Variants in JAKMIP1 observed in about 807,000 individuals in gnomAD.
JAKMIP1 encodes the protein janus kinase and microtubule interacting protein 1.
A neutral mutation model predicts 113.0 loss-of-function variants in JAKMIP1; 33 were observed. The observed-to-expected ratio is 0.29, with a 90% CI of 0.22 to 0.39. The LOEUF is 0.39. JAKMIP1 is among the 10% of genes least tolerant of loss of function. JAKMIP1 has a pLI of 1.00. For synonymous variants in JAKMIP1, 480 were observed against 459.9 expected (o/e 1.04, Z -0.56); for missense variants, 813 against 1,080.5 (o/e 0.75, Z 3.47).
intron 1 of JAKMIP1, among the ~76,000 whole-genome samples, chr4:6,125,598 A>AAC (rs111906803): frequency 0.43 from 47,634 of 111,946 alleles, 9,844 homozygotes; most frequent in East Asian, 0.77. Flanking sequence ...ACCATGCAGA[A>AAC]ACACACACAC....
chr4:6,052,380 C>T (rs774290516), intron 13 of JAKMIP1, among the ~76,000 whole-genome samples: 1 of 152,214 alleles, frequency 6.6e-6, no homozygotes, highest in East Asian at 1.9e-4. Flanking sequence ...GGCATGGTAG[C>T]TTATACCTGT....
intron 1 of JAKMIP1, among the ~76,000 whole-genome samples, chr4:6,146,553 C>T (rs1228179160): frequency 6.6e-6 from 1 of 152,152 alleles, no homozygotes; most frequent in Non-Finnish European, 1.5e-5. Context: ...CTCAGCCTCC[C>T]AAAGTGTGGG....
rs1720184187 is a variant in JAKMIP1, at chr4:6,141,745, C to G, written c.-147-28748G>C. Among the ~76,000 whole-genome samples the G allele has an allele frequency of 6.6e-6, 1 of 152,174 alleles. No individual in the cohort carries two copies. Among genetic ancestry groups the G allele is most frequent in the African/African-American group, 2.4e-5 (1 of 41,450 alleles). On this transcript the variant is annotated intron_variant, in intron 1 of 20. Transcript: ENST00000409021. This position sits in a 1 kb window ranked among gnomAD's most constrained non-coding sequence, Gnocchi z 9.4. ...TTCTGCACCAAATGGAAAGTGGCCC[C>G]AGGACACTGATGCCGAGGATGCTGA...
At position 6,140,214 on chromosome 4, in the gene JAKMIP1, G is replaced by A. The variant is rs1041214307; in HGVS notation, c.-147-27217C>T. On this transcript the variant is annotated intron_variant, in intron 1 of 20. Transcript: ENST00000409021. This position sits in a 1 kb window ranked among gnomAD's most constrained non-coding sequence, Gnocchi z 9.4. ...TCAATGTTCACGTGGCTCTCCACCCGGACATTTGGGCTGCTCCCTATTTTT... is the reference window on the plus strand; with the variant it reads ...TCAATGTTCACGTGGCTCTCCACCCAGACATTTGGGCTGCTCCCTATTTTT... Among the ~76,000 whole-genome samples the A allele has an allele frequency of 2.6e-5, 4 of 151,874 alleles. No individual in the cohort carries two copies. Among genetic ancestry groups the A allele is most frequent in the East Asian group, 1.9e-4 (1 of 5,192 alleles).
rs1719735540 is a variant in JAKMIP1 at position 6,076,641 on chromosome 4, G to T, written c.1302+2298C>A. Among the ~76,000 whole-genome samples, 2 of 152,102 alleles carry T rather than the reference G, an allele frequency of 1.3e-5. No individual in the cohort carries two copies. The highest frequency in any genetic ancestry group is 4.8e-5 in the African/African-American group (2 of 41,412). ...ATAGATATATTTTATGTGGCCCACA[G>T]GTATATATTTTACAGGCTGAGTGTC... is the stretch of plus-strand genomic sequence containing the variant. On this transcript the variant is annotated intron_variant, in intron 8 of 20. Transcript: ENST00000409021. This position sits in a 1 kb window ranked among gnomAD's most constrained non-coding sequence, Gnocchi z 4.8.
intron 3 of JAKMIP1, among the ~76,000 whole-genome samples, chr4:6,090,559 C>T (rs555634865): frequency 5.9e-4 from 90 of 152,348 alleles, no homozygotes; most frequent in Non-Finnish European, 9.8e-4. Context: ...CCACAGGCCA[C>T]GCAGTATGGG....
In JAKMIP1 at chr4:6,105,793, T is replaced by C. The variant is rs1158518494; in HGVS notation, c.304A>G (p.Thr102Ala). 38 of 1,607,960 alleles carry C rather than the reference T, an allele frequency of 2.4e-5. No homozygotes were observed. The highest frequency in any genetic ancestry group is 3.1e-5 in the Non-Finnish European group (36 of 1,179,508). Reference protein sequence around the residue: ...IRQHEQEAARTAKIKEGELQR... With the variant: ...IRQHEQEAARAAKIKEGELQR... ...AGCTCGCCCTCCTTGATCTTGGCGG[T>C]GCGCGCCGCCTCCTGCTCGTGCTGC... is the stretch of plus-strand genomic sequence containing the variant. The change falls in exon 3 of 21, where the codon ACC (threonine) becomes GCC (alanine). Residue 102 changes from threonine (T) to alanine (A), a missense_variant. Physicochemically the swap from Thr to Ala is moderately conservative, Grantham distance 58. Transcript: ENST00000409021.
chr4:6,044,974 G>A lies in JAKMIP1; in HGVS notation c.2029-2747C>T, dbSNP rs1486340978. ...GAAGTGAGTCCACTCACAGGGAGGT[G>A]CTGATGAACTGAGCAGCCTCATGGG... On this transcript the variant is annotated intron_variant, in intron 16 of 20. Transcript: ENST00000409021. This position sits in a 1 kb window ranked among gnomAD's most constrained non-coding sequence, Gnocchi z 4.4. Among the ~76,000 whole-genome samples, 1 of 152,234 alleles carries A rather than the reference G, an allele frequency of 6.6e-6. No individual in the cohort carries two copies.
chr4:6,048,496 T>C (rs1259400765), intron 16 of JAKMIP1, among the ~76,000 whole-genome samples: 2 of 152,246 alleles, frequency 1.3e-5, no homozygotes, highest in Non-Finnish European at 2.9e-5. Context: ...AACACGTTTA[T>C]GAACCATGTT....
intron 3 of JAKMIP1, 98 bp downstream of exon 3, chr4:6,105,375 G>A: frequency 7.9e-7 from 1 of 1,267,992 alleles, no homozygotes. Flanking sequence ...TTTGAACAAT[G>A]CCTGGAGCAC....
rs909392705 is a variant in JAKMIP1 at position 6,044,214 on chromosome 4, C to A, written c.2029-1987G>T. On this transcript the variant is annotated intron_variant, in intron 16 of 20. Coordinates refer to ENST00000409021, the MANE Select transcript of JAKMIP1 (RefSeq NM_001099433.2). This position sits in a 1 kb window ranked among gnomAD's most constrained non-coding sequence, Gnocchi z 4.4. The stretch of plus-strand genomic sequence containing the variant: ...GCGCTGTTGTCTGTTTCACCCCTCA[C>A]CCCGCTGCCCCCCTTGAAGGTGGGG... Among the ~76,000 whole-genome samples the A allele has an allele frequency of 7.9e-5, 12 of 152,102 alleles. No individual in the cohort carries two copies. The highest frequency in any genetic ancestry group is 1.6e-4 in the Non-Finnish European group (11 of 68,018).
At chr4:6,114,777 T>C (rs907127177) in intron 1 of JAKMIP1, among the ~76,000 whole-genome samples, 1 of 152,228 alleles carries the variant, frequency 6.6e-6, no homozygotes, top group Non-Finnish European at 1.5e-5. Context: ...AATTCATTCC[T>C]CACCTCGGCT....
intron 1 of JAKMIP1, among the ~76,000 whole-genome samples, chr4:6,114,821 GA>G (rs1027175616): frequency 4.6e-5 from 7 of 152,202 alleles, no homozygotes; most frequent in Non-Finnish European, 7.3e-5. Flanking sequence ...GCAGTTCTCA[GA>G]AATCAGCCTT....
intron 3 of JAKMIP1, among the ~76,000 whole-genome samples, chr4:6,098,061 G>A (rs748054709): frequency 2.0e-5 from 3 of 152,236 alleles, no homozygotes; most frequent in African/African-American, 4.8e-5. Context: ...ATACGCATGA[G>A]TCTGGTTTAA....
Position 6,154,776 on chromosome 4 carries a change from C to T in JAKMIP1, c.-147-41779G>A. Among the ~76,000 whole-genome samples the T allele has an allele frequency of 6.6e-6, 1 of 152,162 alleles. No homozygotes were observed. The highest frequency in any genetic ancestry group is 1.9e-4 in the East Asian group (1 of 5,168). ...GCCATCATGAACTACAGACAGCACC[C>T]TAAACATCCTGTTCTGCCTTTGTAT... On this transcript the variant is annotated intron_variant, in intron 1 of 20. Coordinates refer to ENST00000409021, the MANE Select transcript of JAKMIP1 (RefSeq NM_001099433.2). The surrounding 1 kb of genome is among the most constrained non-coding windows in gnomAD (Gnocchi z 4.2).
intron 3 of JAKMIP1, among the ~76,000 whole-genome samples, chr4:6,087,345 G>C (rs546843422): frequency 3.9e-5 from 6 of 151,994 alleles, no homozygotes; most frequent in Non-Finnish European, 7.3e-5. Flanking sequence ...TGGACAATAG[G>C]AAGACTTTAG....
chr4:6,184,147 T>A lies in JAKMIP1; in HGVS notation c.-148+16106A>T, dbSNP rs1255592401. ...GCAGGGTGGTTTAGCTATGTAAAAATTTTATTTTTGAAAAGACTTCATTTT... is the reference window on the plus strand; with the variant it reads ...GCAGGGTGGTTTAGCTATGTAAAAAATTTATTTTTGAAAAGACTTCATTTT... On this transcript the variant is annotated intron_variant, in intron 1 of 20. Coordinates refer to ENST00000409021, the MANE Select transcript of JAKMIP1 (RefSeq NM_001099433.2). This position sits in a 1 kb window ranked among gnomAD's most constrained non-coding sequence, Gnocchi z 4.5. Among the ~76,000 whole-genome samples, 1 of 152,150 alleles carries A rather than the reference T, an allele frequency of 6.6e-6. No homozygotes were observed. The highest frequency in any genetic ancestry group is 1.9e-4 in the East Asian group (1 of 5,186).
intron 7 of JAKMIP1, 24 bp from the exon 8 acceptor site, chr4:6,079,022 C>T: frequency 1.2e-6 from 2 of 1,613,856 alleles, no homozygotes; most frequent in Non-Finnish European, 1.7e-6. Flanking sequence ...CAACGGTTGG[C>T]ATTTCCAGCC....
chr4:6,117,707 A>G (rs980488026), intron 1 of JAKMIP1, among the ~76,000 whole-genome samples: 1 of 151,996 alleles, frequency 6.6e-6, no homozygotes, highest in African/African-American at 2.4e-5. Context: ...AATCTTGACC[A>G]TAAGAGACAG....
Sources: gnomAD v4.1 joint callset for allele counts (sites outside exome capture counted in the v4.1 genomes callset) on GRCh38, gnomAD v4.1.1 for gene constraint, Gnocchi (gnomAD v3.1) non-coding constraint, MANE v1.5 for transcripts, NCBI Gene and HGNC (gene_info 2026-07-23, HGNC 2026-07-21) for gene names.